The following PIK3C2G variants were observed in gnomAD, a reference collection of about 807,000 sequenced individuals.
The protein encoded by PIK3C2G is phosphatidylinositol-4-phosphate 3-kinase catalytic subunit type 2 gamma, also known as phosphatidylinositol 3-kinase C2 domain-containing subunit gamma.
A neutral mutation model predicts 181.1 loss-of-function variants in PIK3C2G; 168 were observed. The ratio of observed to expected loss-of-function variants is 0.93; its 90% CI spans 0.82 to 1.05. The LOEUF (loss-of-function observed/expected upper bound fraction) is 1.05. Among genes scored for constraint, PIK3C2G ranks in the 50% least tolerant of loss-of-function variants. The pLI is 0.00. For synonymous variants in PIK3C2G, 573 were observed against 592.2 expected, an observed-to-expected ratio of 0.97 and a Z score of 0.47; for missense variants, 1,869 against 1,732.8, an observed-to-expected ratio of 1.08 and a Z score of -1.40.
At chr12:18,421,152 G>T (rs1592217049) in intron 17 of PIK3C2G, 118 bp downstream of exon 17, 2 of 499,420 alleles carry the variant, frequency 4.0e-6, no homozygotes, top group Non-Finnish European at 7.2e-6. Flanking sequence ...CCACCCAAGG[G>T]ACTAAATGAT....
rs1449100705 is a variant in PIK3C2G, at chr12:18,338,353, G to T, written c.1273-73G>T. ...CCACTTGCTCCTCATGGAAAAAGAA[G>T]AAGTTTGAGGATAAATTAATGTCCC... is the stretch of plus-strand genomic sequence containing the variant. On this transcript the variant is annotated intron_variant, in intron 8 of 32. Transcript: ENST00000538779. The T allele has an allele frequency of 1.4e-5, 17 of 1,172,702 alleles. No homozygotes were observed. The East Asian group carries it at 4.1e-4, about 28-fold the overall frequency. 72.6% of individuals were successfully genotyped at this position (1,172,702 alleles called of 1,614,324 possible).
chr12:18,354,289 T>C (rs913071872), intron 11 of PIK3C2G, among the ~76,000 whole-genome samples: 1 of 152,198 alleles, frequency 6.6e-6, no homozygotes, highest in African/African-American at 2.4e-5. Context: ...AACAGGCATC[T>C]GTTGGAGGGG....
intron 29 of PIK3C2G, among the ~76,000 whole-genome samples, chr12:18,579,834 T>C (rs1946406349): frequency 6.6e-6 from 1 of 152,242 alleles, no homozygotes; most frequent in African/African-American, 2.4e-5. Flanking sequence ...ATAAGATCTT[T>C]ATAAAGAATA....
downstream of PIK3C2G, among the ~76,000 whole-genome samples, chr12:18,648,633 G>A (rs193252352): frequency 2.0e-5 from 3 of 152,086 alleles, no homozygotes; most frequent in Non-Finnish European, 4.4e-5. Flanking sequence ...TCAATTCATT[G>A]TCACTGGATT....
intron 8 of PIK3C2G, among the ~76,000 whole-genome samples, chr12:18,335,574 C>G (rs1938453973): frequency 6.6e-6 from 1 of 151,940 alleles, no homozygotes; most frequent in Non-Finnish European, 1.5e-5. Context: ...GGCTATGTAT[C>G]AAAAAATACT....
the PIK3C2G span, among the ~76,000 whole-genome samples, chr12:18,710,977 G>A: frequency 2.0e-5 from 3 of 152,002 alleles, no homozygotes; most frequent in Non-Finnish European, 2.9e-5. Flanking sequence ...TCAGTGTGGC[G>A]ATTCCTCAGG....
At chr12:18,437,659 T>C (rs376474429) in intron 18 of PIK3C2G, among the ~76,000 whole-genome samples, 1 of 151,982 alleles carries the variant, frequency 6.6e-6, no homozygotes, top group South Asian at 2.1e-4. Flanking sequence ...TCTGTAAATG[T>C]CATTAATTTA....
In PIK3C2G at chr12:18,462,895, A is replaced by T. The variant is rs114644596; in HGVS notation, c.2505-25554A>T. ...TAGTAGTAAAATTACATTATCCAGC[A>T]TTGCATTCTTTTCAATGGTTTGCAA... On this transcript the variant is annotated intron_variant, in intron 18 of 32. Coordinates refer to ENST00000538779, the MANE Select transcript of PIK3C2G (RefSeq NM_001288772.2). Among the ~76,000 whole-genome samples, 358 of 152,184 alleles carry T rather than the reference A, an allele frequency of 2.4e-3. 1 individual carries two copies. The highest frequency in any genetic ancestry group is 8.3e-3 in the African/African-American group (343 of 41,522).
intron 7 of PIK3C2G, 139 bp downstream of exon 7, chr12:18,321,171 C>A (rs1266351862): frequency 5.3e-6 from 3 of 563,126 alleles, no homozygotes; most frequent in Admixed American, 3.4e-5. Context: ...CAGGCAAATT[C>A]TGTTAATAAT....
intron 12 of PIK3C2G, among the ~76,000 whole-genome samples, chr12:18,364,861 T>G (rs531228337): frequency 6.6e-6 from 1 of 152,088 alleles, no homozygotes; most frequent in Non-Finnish European, 1.5e-5. Flanking sequence ...TCACTCTACC[T>G]TGGGCTACGG....
Position 18,370,632 on chromosome 12 carries a change from T to C in PIK3C2G, c.1749-548T>C, listed in dbSNP as rs555420391. Among the ~76,000 whole-genome samples, 36 of 152,286 alleles carry C rather than the reference T, an allele frequency of 2.4e-4. No individual in the cohort carries two copies. The South Asian group carries it at 6.8e-3, about 29-fold the overall frequency. On this transcript the variant is annotated intron_variant, in intron 12 of 32. Coordinates refer to ENST00000538779, the MANE Select transcript of PIK3C2G (RefSeq NM_001288772.2). ...TAAGCATTCTGGCAACCACCTATCT[T>C]TCTAATTACATCCTCCACAATCTCC...
intron 3 of PIK3C2G, among the ~76,000 whole-genome samples, chr12:18,289,305 C>A (rs1483028242): frequency 6.6e-6 from 1 of 152,148 alleles, no homozygotes; most frequent in Non-Finnish European, 1.5e-5. Context: ...AATATGGTAA[C>A]ATGCCATAAC....
Position 18,549,869 on chromosome 12 carries a change from G to T in PIK3C2G, c.3590+3437G>T, listed in dbSNP as rs77791583. Among the ~76,000 whole-genome samples, 225 of 151,958 alleles carry T rather than the reference G, an allele frequency of 1.5e-3. 1 individual carries two copies. The highest frequency in any genetic ancestry group is 5.2e-3 in the African/African-American group (215 of 41,492). ...GGGTAACTTGGCAGCTGACTTCCTG[G>T]AAGTCACCTTCCTTCCTTTTCCTTT... On this transcript the variant is annotated intron_variant, in intron 26 of 32. Coordinates refer to ENST00000538779, the MANE Select transcript of PIK3C2G (RefSeq NM_001288772.2).
chr12:18,330,330 C>G (rs1050611337), intron 8 of PIK3C2G, among the ~76,000 whole-genome samples: 13 of 152,188 alleles, frequency 8.5e-5, no homozygotes, highest in African/African-American at 3.1e-4. Flanking sequence ...TCTCTCATCC[C>G]AGATTTCATA....
At chr12:18,686,152 G>A in the PIK3C2G span, among the ~76,000 whole-genome samples, 12 of 151,726 alleles carry the variant, frequency 7.9e-5, no homozygotes, top group Admixed American at 2.0e-4. Flanking sequence ...CTACTGCCAC[G>A]GCCTCCTTTA....
At chr12:18,308,934 T>C (rs1565582005) in intron 5 of PIK3C2G, among the ~76,000 whole-genome samples, 1 of 151,744 alleles carries the variant, frequency 6.6e-6, no homozygotes, top group Non-Finnish European at 1.5e-5. Flanking sequence ...TTAAGACCAT[T>C]GACTGCTCTT....
intron 16 of PIK3C2G, among the ~76,000 whole-genome samples, chr12:18,417,547 C>T (rs775882528): frequency 3.9e-5 from 6 of 152,190 alleles, no homozygotes; most frequent in Non-Finnish European, 4.4e-5. Context: ...CCATCCTGAT[C>T]AGTCCACAGG....
intron 7 of PIK3C2G, among the ~76,000 whole-genome samples, chr12:18,321,832 C>T (rs1951123569): frequency 6.6e-6 from 1 of 152,132 alleles, no homozygotes; most frequent in South Asian, 2.1e-4. Flanking sequence ...AACAAACTAA[C>T]ATAGAAACAG....
At chr12:18,370,617 G>A (rs56005705) in intron 12 of PIK3C2G, among the ~76,000 whole-genome samples, 5,002 of 152,134 alleles carry the variant, frequency 0.033, 109 homozygotes, top group Non-Finnish European at 0.053. Flanking sequence ...TAAGCATTCT[G>A]GCAACCACCT....
Sources: gnomAD v4.1 joint callset for allele counts (sites outside exome capture counted in the v4.1 genomes callset) on GRCh38, gnomAD v4.1.1 for gene constraint, MANE v1.5 for transcripts, NCBI Gene and HGNC (gene_info 2026-07-23, HGNC 2026-07-21) for gene names.